GRIA4: variants seen among roughly 807,000 people sequenced by gnomAD.
The protein encoded by GRIA4 is glutamate ionotropic receptor AMPA type subunit 4, also known as glutamate receptor 4.
GRIA4 carries 34 observed loss-of-function variants against 104.0 expected under a neutral mutation model. The observed-to-expected ratio is 0.33, with a 90% CI of 0.25 to 0.44. The LOEUF is 0.44. Among genes scored for constraint, GRIA4 ranks in the 20% least tolerant of loss-of-function variants. GRIA4 has a pLI of 1.00. For synonymous variants in GRIA4, 386 were observed against 381.9 expected, an observed-to-expected ratio of 1.01 and a Z score of -0.13; for missense variants, 750 against 1,096.5, an observed-to-expected ratio of 0.68 and a Z score of 4.46.
chr11:105,894,791 A>AT (rs569292239), intron 6 of GRIA4, among the ~76,000 whole-genome samples: 13,668 of 126,346 alleles, frequency 0.11, 2,221 homozygotes, highest in African/African-American at 0.24. Flanking sequence ...ATTGCTACAT[A>AT]TTTTTTTTTT....
chr11:105,887,509 A>C lies in GRIA4; in HGVS notation c.673-10A>C. The C allele has an allele frequency of 8.0e-7, 1 of 1,253,714 alleles. No individual in the cohort carries two copies. The highest frequency in any genetic ancestry group is 1.1e-6 in the Non-Finnish European group (1 of 877,870). The allele number at this position is 1,253,714 out of a possible 1,614,324, so 77.7% of individuals were successfully genotyped here. A position where few individuals can be genotyped will look rare whatever the true frequency, so the allele number is the denominator to read the frequency against. On this transcript the variant is annotated splice_polypyrimidine_tract_variant and intron_variant, in intron 5 of 16. Coordinates refer to ENST00000282499, the MANE Select transcript of GRIA4 (RefSeq NM_000829.4). Reference sequence around the variant, plus strand: ...AATTGATTTTCTCTTATTTGCTTATATCTTCACAGATTGTAAGTGTTGGAA... The same window carrying C: ...AATTGATTTTCTCTTATTTGCTTATCTCTTCACAGATTGTAAGTGTTGGAA...
At chr11:105,765,168 CA>C (rs1379695205) in intron 4 of GRIA4, among the ~76,000 whole-genome samples, 5 of 152,188 alleles carry the variant, frequency 3.3e-5, no homozygotes, top group Admixed American at 3.3e-4. Flanking sequence ...AACAGCAGCC[CA>C]ACTTAGCAAA....
In GRIA4 at chr11:105,979,693, T is replaced by A. The variant is rs1555064718; in HGVS notation, c.2663T>A (p.Ile888Asn). Residue 888 changes from isoleucine to asparagine, a missense_variant, in exon 17 of 17, where the codon ATC becomes AAC. Ile to Asn is a moderately radical substitution (Grantham distance 149, BLOSUM62 -3). This residue lies in a region of GRIA4 where 68 missense variants were observed against 69.3 expected (regional missense o/e 0.98). Transcript: ENST00000282499. ...CPKAVHTGTA[I>N]RQSSGLAVIA... Reference sequence around the variant, plus strand: ...AAGGCTGTACACACTGGAACTGCAATCAGACAAAGTTCAGGATTGGCTGTC... The same window carrying A: ...AAGGCTGTACACACTGGAACTGCAAACAGACAAAGTTCAGGATTGGCTGTC... 1.2e-6 allele frequency: 2 copies of A among 1,614,062 alleles called. No homozygotes were observed. Among genetic ancestry groups the A allele is most frequent in the Admixed American group, 1.7e-5 (1 of 60,012 alleles).
chr11:105,914,279 A>G (rs1306937449), intron 10 of GRIA4, among the ~76,000 whole-genome samples: 1 of 151,904 alleles, frequency 6.6e-6, no homozygotes, highest in Non-Finnish European at 1.5e-5. Flanking sequence ...TAAGAATTTT[A>G]TCCATGGGAT....
intron 4 of GRIA4, among the ~76,000 whole-genome samples, chr11:105,860,353 A>G (rs1945174300): frequency 1.3e-5 from 2 of 152,154 alleles, no homozygotes; most frequent in Admixed American, 1.3e-4. Flanking sequence ...CTCACATACC[A>G]ATTAGAAAAC....
chr11:105,928,324 A>C (rs1209360596), intron 13 of GRIA4, among the ~76,000 whole-genome samples: 1 of 152,060 alleles, frequency 6.6e-6, no homozygotes, highest in Non-Finnish European at 1.5e-5. Context: ...TAAGATGTAT[A>C]AGTTAATTAC....
chr11:105,637,327 A>G (rs1437208877), intron 3 of GRIA4, among the ~76,000 whole-genome samples: 3 of 152,194 alleles, frequency 2.0e-5, no homozygotes, highest in Non-Finnish European at 4.4e-5. Context: ...ATACAATTTT[A>G]TTATAATATA....
At chr11:105,623,149 T>C (rs940285715) in intron 3 of GRIA4, among the ~76,000 whole-genome samples, 2 of 150,586 alleles carry the variant, frequency 1.3e-5, no homozygotes, top group African/African-American at 4.9e-5. Context: ...TCAATGATGT[T>C]GCTGTTGTGA....
At chr11:105,844,554 T>C (rs1944513534) in intron 4 of GRIA4, among the ~76,000 whole-genome samples, 1 of 152,248 alleles carries the variant, frequency 6.6e-6, no homozygotes, top group Non-Finnish European at 1.5e-5. Context: ...AACTATTCAG[T>C]AACAGCTTTT....
At chr11:105,613,157 A>C (rs1950520822) in intron 3 of GRIA4, 1 of 152,246 alleles carries the variant, frequency 6.6e-6, no homozygotes, top group African/African-American at 2.4e-5. Context: ...CAATGAAACT[A>C]AACGGGTGAC....
intron 3 of GRIA4, among the ~76,000 whole-genome samples, chr11:105,656,016 A>T (rs1951832732): frequency 6.6e-6 from 1 of 152,068 alleles, no homozygotes. Context: ...CTTTTTAATG[A>T]TCACCATTCT....
intron 3 of GRIA4, among the ~76,000 whole-genome samples, chr11:105,714,495 G>A (rs1035283571): frequency 2.6e-5 from 4 of 152,024 alleles, no homozygotes; most frequent in Non-Finnish European, 5.9e-5. Flanking sequence ...TGACCTCAAC[G>A]AACAGTTGAT....
chr11:105,807,698 T>G (rs1042336793), intron 4 of GRIA4, among the ~76,000 whole-genome samples: 1 of 151,886 alleles, frequency 6.6e-6, no homozygotes, highest in African/African-American at 2.4e-5. Context: ...TTTTCAGCTC[T>G]GAGAAGTTGT....
At chr11:105,923,000 G>T (rs1947607899) in intron 11 of GRIA4, among the ~76,000 whole-genome samples, 1 of 152,028 alleles carries the variant, frequency 6.6e-6, no homozygotes, top group African/African-American at 2.4e-5. Context: ...CCTCTTGAAG[G>T]CATATGTGGT....
intron 14 of GRIA4, among the ~76,000 whole-genome samples, chr11:105,940,119 C>A (rs1379163819): frequency 6.6e-6 from 1 of 152,142 alleles, no homozygotes; most frequent in Non-Finnish European, 1.5e-5. Flanking sequence ...AATCCCAGCA[C>A]TTTGGGAGGC....
At chr11:105,619,379 T>C (rs1175766609) in intron 3 of GRIA4, among the ~76,000 whole-genome samples, 3 of 152,016 alleles carry the variant, frequency 2.0e-5, no homozygotes, top group Non-Finnish European at 4.4e-5. Flanking sequence ...CATTTCATTT[T>C]CTGTGTCATA....
Position 105,634,524 on chromosome 11 carries a change from GAAAGA to G in GRIA4, c.247+22098_247+22102del, listed in dbSNP as rs1274689967. 4.8e-4 allele frequency among the ~76,000 whole-genome samples: 20 copies of G among 41,372 alleles called. 1 individual carries two copies. The East Asian group carries it at 5.8e-3, about 12-fold the overall frequency. 27.1% of individuals were successfully genotyped at this position (41,372 alleles called of 152,430 possible). ...AAGAAAGAAAGAAAGAAGAAAGAAAGAAAGAAAAGAAAGAAAAAGAAAAAGAAAAA... is the reference window on the plus strand; with the variant it reads ...AAGAAAGAAAGAAAGAAGAAAGAAAGAAAGAAAGAAAAAGAAAAAGAAAAA... On this transcript the variant is annotated intron_variant, in intron 3 of 16. Coordinates refer to ENST00000282499, the MANE Select transcript of GRIA4 (RefSeq NM_000829.4).
At position 105,910,464 on chromosome 11, in the gene GRIA4, A is replaced by C. The variant is rs1416168229; in HGVS notation, c.1188A>C (p.Leu396Phe). Reference protein sequence around the residue: ...KVGYWNDMDKLVLIQDVPTLG... With the variant: ...KVGYWNDMDKFVLIQDVPTLG... ...GTTACTGGAATGATATGGATAAGTTAGTCTTGATTCAAGATGTACCAACTC... is the reference window on the plus strand; with the variant it reads ...GTTACTGGAATGATATGGATAAGTTCGTCTTGATTCAAGATGTACCAACTC... The change falls in exon 10 of 17, where the codon TTA (leucine) becomes TTC (phenylalanine). Residue 396 changes from leucine to phenylalanine, a missense_variant. Transcript: ENST00000282499. 1 of 1,591,002 alleles carries C rather than the reference A, an allele frequency of 6.3e-7. No individual in the cohort carries two copies. Among genetic ancestry groups the C allele is most frequent in the Non-Finnish European group, 8.6e-7 (1 of 1,159,172 alleles).
At chr11:105,731,058 A>G (rs1167745909) in intron 3 of GRIA4, among the ~76,000 whole-genome samples, 2 of 152,222 alleles carry the variant, frequency 1.3e-5, no homozygotes, top group Non-Finnish European at 2.9e-5. Flanking sequence ...GCTTCTGCAC[A>G]GCAAAAGAAA....
Sources: gnomAD v4.1 joint callset for allele counts (sites outside exome capture counted in the v4.1 genomes callset) on GRCh38, gnomAD v4.1.1 for gene constraint, gnomAD v4.1.1 regional missense constraint, MANE v1.5 for transcripts, NCBI Gene and HGNC (gene_info 2026-07-23, HGNC 2026-07-21) for gene names.